Variants in SLCO1A2 observed in about 807,000 individuals in gnomAD.
The protein encoded by SLCO1A2 is solute carrier organic anion transporter family member 1A2.
In SLCO1A2, 67 loss-of-function variants were observed where a neutral mutation model predicts 69.0. The ratio of observed to expected loss-of-function variants is 0.97; its 90% CI spans 0.80 to 1.19. SLCO1A2 has a LOEUF of 1.19. Among genes scored for constraint, SLCO1A2 ranks in the 50% most tolerant of loss-of-function variants. SLCO1A2 has a pLI of 0.00. For synonymous variants in SLCO1A2, 260 were observed against 265.9 expected (o/e 0.98, Z 0.22); for missense variants, 787 against 793.7 (o/e 0.99, Z 0.10).
intron 1 of SLCO1A2, among the ~76,000 whole-genome samples, chr12:21,405,742 T>A (rs553766611): frequency 6.6e-6 from 1 of 152,304 alleles, no homozygotes; most frequent in East Asian, 1.9e-4. Flanking sequence ...TCCTTACACC[T>A]TATACAAAAA....
At chr12:21,407,525 G>T (rs1941840278) in intron 1 of SLCO1A2, among the ~76,000 whole-genome samples, 1 of 152,218 alleles carries the variant, frequency 6.6e-6, no homozygotes, top group African/African-American at 2.4e-5. Flanking sequence ...TTTGGGCCAG[G>T]TGCAGTGGCA....
chr12:21,388,222 C>A (rs1386059825), intron 1 of SLCO1A2, among the ~76,000 whole-genome samples: 3 of 151,964 alleles, frequency 2.0e-5, no homozygotes, highest in African/African-American at 7.3e-5. Context: ...TGAGTTAAGA[C>A]TTTGGGGGAC....
intron 2 of SLCO1A2, among the ~76,000 whole-genome samples, chr12:21,363,818 A>C: frequency 6.6e-6 from 1 of 152,212 alleles, no homozygotes; most frequent in Non-Finnish European, 1.5e-5. Flanking sequence ...AAATTCCTGG[A>C]CTTATACACC....
upstream of SLCO1A2, among the ~76,000 whole-genome samples, chr12:21,418,446 TG>T (rs111708291): frequency 0.041 from 6,311 of 152,212 alleles, 446 homozygotes; most frequent in African/African-American, 0.14. Flanking sequence ...TACCTGAGAC[TG>T]GGTAGGTTAT....
chr12:21,319,038 T>C (rs1324284440), intron 2 of SLCO1A2, 115 bp from the exon 3 acceptor site: 1 of 791,966 alleles, frequency 1.3e-6, no homozygotes, highest in African/African-American at 1.7e-5. Flanking sequence ...TAAGTAACCT[T>C]TGAATTTGCA....
chr12:21,271,865 T>A (rs181369782), intron 14 of SLCO1A2, among the ~76,000 whole-genome samples: 17 of 149,042 alleles, frequency 1.1e-4, no homozygotes, highest in African/African-American at 4.1e-4. Flanking sequence ...TTTGTACATA[T>A]GCAAATATAT....
chr12:21,343,026 T>A (rs1350507366), intron 2 of SLCO1A2, among the ~76,000 whole-genome samples: 1 of 152,074 alleles, frequency 6.6e-6, no homozygotes, highest in Non-Finnish European at 1.5e-5. Context: ...CTGTGGGCAG[T>A]AGGACATGAG....
chr12:21,287,349 A>T (rs1222498840), intron 12 of SLCO1A2, among the ~76,000 whole-genome samples: 16 of 136,482 alleles, frequency 1.2e-4, no homozygotes, highest in Non-Finnish European at 1.9e-4. Flanking sequence ...ATCATTAAAA[A>T]GTCAGGAAAC....
Position 21,356,867 on chromosome 12 carries a change from A to C in SLCO1A2, c.-63+17532T>G, listed in dbSNP as rs751023571. Among the ~76,000 whole-genome samples the C allele has an allele frequency of 2.0e-4, 31 of 152,144 alleles. 1 individual carries two copies. The highest frequency in any genetic ancestry group is 1.3e-4 in the Admixed American group (2 of 15,266). Reference sequence around the variant, plus strand: ...TATGGAGATCTATAGAGTAGTGAGAACTTTTGTATCTTAAACAGAAAATAT... The same window carrying C: ...TATGGAGATCTATAGAGTAGTGAGACCTTTTGTATCTTAAACAGAAAATAT... On this transcript the variant is annotated intron_variant, in intron 2 of 15. Coordinates refer to the SLCO1A2 transcript ENST00000307378.
intron 12 of SLCO1A2, among the ~76,000 whole-genome samples, chr12:21,282,786 A>G (rs1945044431): frequency 6.6e-6 from 1 of 152,140 alleles, no homozygotes. Context: ...GTGTTTGTAT[A>G]TGCCAACAGC....
At chr12:21,413,224 T>TC (rs1390832384) in intron 1 of SLCO1A2, among the ~76,000 whole-genome samples, 1 of 115,520 alleles carries the variant, frequency 8.7e-6, no homozygotes, top group Non-Finnish European at 1.8e-5. Context: ...TTTCTTCTTT[T>TC]CTTTTTCTTT....
chr12:21,379,903 G>C (rs1031021341), intron 1 of SLCO1A2: 1 of 152,072 alleles, frequency 6.6e-6, no homozygotes, highest in Non-Finnish European at 1.5e-5. Flanking sequence ...AGTGTATAGA[G>C]GCAGGGAAAT....
intron 2 of SLCO1A2, among the ~76,000 whole-genome samples, chr12:21,330,270 A>G (rs1292458991): frequency 6.6e-6 from 1 of 152,094 alleles, no homozygotes. Context: ...AGGCAGACAG[A>G]TCATTTTAGT....
At position 21,287,651 on chromosome 12, in the gene SLCO1A2, C is replaced by T. The variant is rs897993846; in HGVS notation, c.1610+4513G>A. 1.6e-5 allele frequency among the ~76,000 whole-genome samples: 2 copies of T among 128,392 alleles called. 1 individual carries two copies. The highest frequency in any genetic ancestry group is 3.4e-5 in the Non-Finnish European group (2 of 59,514). 84.2% of individuals were successfully genotyped at this position (128,392 alleles called of 152,430 possible). On this transcript the variant is annotated intron_variant, in intron 12 of 14. Coordinates refer to ENST00000683939, the MANE Select transcript of SLCO1A2 (RefSeq NM_001386879.1). ...GATAGACTGGATTAAGAAAATGTGG[C>T]ACATATACACCATGGAATACTATGC...
chr12:21,342,042 A>ATCAT lies in SLCO1A2; in HGVS notation c.-62-7337_-62-7334dup, dbSNP rs151081251. ...ACCGTTTGTCAGCATGGTGGTTTGGATCATTAGACAATTTTAAATGATCTA... is the reference window on the plus strand; with the variant it reads ...ACCGTTTGTCAGCATGGTGGTTTGGATCATTCATTAGACAATTTTAAATGATCTA... On this transcript the variant is annotated intron_variant, in intron 2 of 15. Coordinates refer to the SLCO1A2 transcript ENST00000307378. 1.1e-3 allele frequency among the ~76,000 whole-genome samples: 173 copies of ATCAT among 152,110 alleles called. 2 individuals are homozygous for ATCAT. The highest frequency in any genetic ancestry group is 0.01 in the Admixed American group (155 of 15,232).
chr12:21,282,347 A>C (rs1182302666), intron 12 of SLCO1A2, among the ~76,000 whole-genome samples: 1 of 152,142 alleles, frequency 6.6e-6, no homozygotes, highest in Admixed American at 6.6e-5. Context: ...TGATCATTTC[A>C]ATTAATGTGG....
chr12:21,380,309 G>T (rs1386987200), intron 1 of SLCO1A2, among the ~76,000 whole-genome samples: 2 of 152,078 alleles, frequency 1.3e-5, no homozygotes, highest in African/African-American at 4.8e-5. Context: ...TGCATATCAT[G>T]TTCAAGGACA....
intron 12 of SLCO1A2, among the ~76,000 whole-genome samples, chr12:21,282,689 G>T (rs1945015714): frequency 6.6e-6 from 1 of 151,930 alleles, no homozygotes; most frequent in Non-Finnish European, 1.5e-5. Flanking sequence ...ATTTTGAAAA[G>T]CCTAAAGACT....
chr12:21,342,398 CCAA>C (rs1468524463), intron 2 of SLCO1A2, among the ~76,000 whole-genome samples: 1 of 151,876 alleles, frequency 6.6e-6, no homozygotes, highest in Non-Finnish European at 1.5e-5. Flanking sequence ...ATTTTAAACT[CCAA>C]CATTATTAAA....
Sources: gnomAD v4.1 joint callset for allele counts (sites outside exome capture counted in the v4.1 genomes callset) on GRCh38, gnomAD v4.1.1 for gene constraint, MANE v1.5 for transcripts, NCBI Gene and HGNC (gene_info 2026-07-23, HGNC 2026-07-21) for gene names.